Variants in DLGAP1 observed in about 807,000 individuals in gnomAD.
The protein encoded by DLGAP1 is DLG associated protein 1, also known as disks large-associated protein 1.
DLGAP1 carries 11 observed loss-of-function variants against 90.8 expected under a neutral mutation model. The observed-to-expected ratio is 0.12, with a 90% CI of 0.08 to 0.20. The LOEUF is 0.20. Ranked by LOEUF, DLGAP1 falls within the 10% of genes least tolerant of loss-of-function variation. The probability of loss-of-function intolerance (pLI) is 1.00; values close to 1 mark genes in which losing one functional copy is unlikely to be tolerated. For synonymous variants in DLGAP1, 558 were observed against 540.7 expected (o/e 1.03, Z -0.44); for missense variants, 1,050 against 1,333.8 (o/e 0.79, Z 3.31).
intron 7 of DLGAP1, among the ~76,000 whole-genome samples, chr18:3,645,621 G>A (rs1379226490): frequency 6.6e-6 from 1 of 152,080 alleles, no homozygotes; most frequent in Non-Finnish European, 1.5e-5. Flanking sequence ...CATGTGCACT[G>A]GGGCATCCTT....
chr18:3,887,601 A>C (rs756195493), intron 3 of DLGAP1, among the ~76,000 whole-genome samples: 10 of 152,222 alleles, frequency 6.6e-5, no homozygotes, highest in African/African-American at 2.4e-4. Flanking sequence ...TTGCTCACAC[A>C]TGCATGCTCC....
intron 9 of DLGAP1, among the ~76,000 whole-genome samples, chr18:3,547,566 T>A (rs575715395): frequency 2.0e-5 from 3 of 146,708 alleles, no homozygotes; most frequent in Non-Finnish European, 3.0e-5. Context: ...CACAATGACA[T>A]GCCACTTCAT....
chr18:4,290,980 T>A lies in DLGAP1; in HGVS notation c.-266-139693A>T, dbSNP rs1282127868. On this transcript the variant is annotated intron_variant, in intron 1 of 12. Transcript: ENST00000315677. ...TTTGATAACACAAACTGAAATGCAG[T>A]TGAATATTATTAATCTTTTTAAAAA... is the stretch of plus-strand genomic sequence containing the variant. 2.6e-5 allele frequency among the ~76,000 whole-genome samples: 4 copies of A among 152,220 alleles called. No homozygotes were observed. The East Asian group carries it at 7.7e-4, about 29-fold the overall frequency.
chr18:4,025,073 C>G (rs992509580), intron 2 of DLGAP1, among the ~76,000 whole-genome samples: 2 of 152,096 alleles, frequency 1.3e-5, no homozygotes, highest in African/African-American at 4.8e-5. Context: ...TATAAAGTGG[C>G]AAGCACTATT....
chr18:4,437,969 C>A (rs1454935075), intron 1 of DLGAP1, among the ~76,000 whole-genome samples: 2 of 152,106 alleles, frequency 1.3e-5, no homozygotes, highest in Non-Finnish European at 2.9e-5. Context: ...GAATTGTCCA[C>A]TTAATATAGT....
chr18:3,845,669 T>C (rs1377275761), intron 4 of DLGAP1: 2 of 928,396 alleles, frequency 2.2e-6, no homozygotes, highest in Non-Finnish European at 2.6e-6. Flanking sequence ...GGGGGTAACG[T>C]ATATTCTGTC....
intron 10 of DLGAP1, among the ~76,000 whole-genome samples, chr18:3,512,132 G>C (rs2050582268): frequency 6.6e-6 from 1 of 151,872 alleles, no homozygotes; most frequent in South Asian, 2.1e-4. Context: ...ATCTCCCTTA[G>C]GGCACATTCA....
intron 1 of DLGAP1, among the ~76,000 whole-genome samples, chr18:4,163,197 A>G (rs983526997): frequency 6.6e-6 from 1 of 152,214 alleles, no homozygotes; most frequent in African/African-American, 2.4e-5. Context: ...CTGGACATAT[A>G]TCTTCTAATA....
At chr18:4,410,292 T>A (rs1181285032) in intron 1 of DLGAP1, among the ~76,000 whole-genome samples, 1 of 152,184 alleles carries the variant, frequency 6.6e-6, no homozygotes, top group Non-Finnish European at 1.5e-5. Context: ...TGTACCCCAA[T>A]AACTTATGGA....
chr18:3,562,947 G>C (rs1419698351), intron 9 of DLGAP1, among the ~76,000 whole-genome samples: 1 of 151,970 alleles, frequency 6.6e-6, no homozygotes, highest in Non-Finnish European at 1.5e-5. Context: ...TTCCACCTCA[G>C]CCTACTGAGT....
chr18:4,402,586 A>C (rs1478651394), intron 1 of DLGAP1, among the ~76,000 whole-genome samples: 1 of 152,230 alleles, frequency 6.6e-6, no homozygotes, highest in Non-Finnish European at 1.5e-5. Flanking sequence ...TTGGCCCATG[A>C]ACATCAGAAT....
At chr18:4,126,301 T>C (rs1217646990) in intron 2 of DLGAP1, among the ~76,000 whole-genome samples, 1 of 152,164 alleles carries the variant, frequency 6.6e-6, no homozygotes, top group South Asian at 2.1e-4. Flanking sequence ...GAGATAGCAA[T>C]AGTCAACTCA....
chr18:3,812,856 GTTTTA>G (rs776282956), intron 5 of DLGAP1, among the ~76,000 whole-genome samples: 1 of 151,902 alleles, frequency 6.6e-6, no homozygotes, highest in Non-Finnish European at 1.5e-5. Context: ...TTGATTTTTT[GTTTTA>G]TTTTGCCTTT....
At chr18:3,818,764 T>G (rs1430652259) in intron 4 of DLGAP1, among the ~76,000 whole-genome samples, 1 of 151,528 alleles carries the variant, frequency 6.6e-6, no homozygotes, top group Non-Finnish European at 1.5e-5. Context: ...CCTGGCTAAT[T>G]TTTGTATTTT....
chr18:4,297,971 G>C (rs972324525), intron 1 of DLGAP1, among the ~76,000 whole-genome samples: 33 of 152,162 alleles, frequency 2.2e-4, no homozygotes, highest in African/African-American at 7.5e-4. Context: ...AGGGAAGACA[G>C]TTCTCTGGCT....
chr18:3,874,747 G>A (rs1360788567), intron 4 of DLGAP1: 11 of 1,498,642 alleles, frequency 7.3e-6, no homozygotes, highest in Middle Eastern at 1.7e-4. Context: ...CACTGGCAGC[G>A]GTACAATAGT....
At chr18:3,561,675 T>C (rs2054125175) in intron 9 of DLGAP1, among the ~76,000 whole-genome samples, 1 of 150,882 alleles carries the variant, frequency 6.6e-6, no homozygotes, top group Non-Finnish European at 1.5e-5. Flanking sequence ...CCTAATACTT[T>C]AAATATTTCA....
chr18:4,366,120 A>G (rs1319725358), intron 1 of DLGAP1, among the ~76,000 whole-genome samples: 1 of 152,140 alleles, frequency 6.6e-6, no homozygotes, highest in Admixed American at 6.5e-5. Flanking sequence ...ATTCTGCAAT[A>G]AAACTGATAT....
At chr18:4,127,434 G>A (rs2076248541) in intron 2 of DLGAP1, among the ~76,000 whole-genome samples, 1 of 151,986 alleles carries the variant, frequency 6.6e-6, no homozygotes, top group African/African-American at 2.4e-5. Context: ...ATACAATGTA[G>A]GAAAGAGAGA....
Sources: allele counts gnomAD v4.1 joint callset (sites outside exome capture counted in the v4.1 genomes callset), GRCh38; gene constraint gnomAD v4.1.1; transcripts MANE v1.5; gene names NCBI Gene and HGNC (gene_info 2026-07-23, HGNC 2026-07-21).